The following CEP192 variants were observed in gnomAD, a reference collection of about 807,000 sequenced individuals.
The protein encoded by CEP192 is centrosomal protein of 192 kDa.
A neutral mutation model predicts 271.8 loss-of-function variants in CEP192; 151 were observed. The observed-to-expected ratio is 0.56, with a 90% CI of 0.49 to 0.64. The LOEUF is 0.64. Ranked by LOEUF, CEP192 falls within the 30% of genes least tolerant of loss-of-function variation. The pLI, the probability that CEP192 is intolerant of heterozygous loss-of-function variation, is 0.00. For synonymous variants in CEP192, 995 were observed against 1,076.5 expected (o/e 0.92, Z 1.48); for missense variants, 2,910 against 3,020.5 (o/e 0.96, Z 0.86).
At position 13,100,392 on chromosome 18, in the gene CEP192, C is replaced by T. The variant is rs1372806256; in HGVS notation, c.6751C>T (p.Pro2251Ser). The T allele has an allele frequency of 1.9e-6, 3 of 1,613,964 alleles. No individual in the cohort carries two copies. The highest frequency in any genetic ancestry group is 3.3e-5 in the Admixed American group (2 of 60,030). The change falls in exon 38 of 45, where the codon CCA becomes TCA. Residue 2251 changes from proline (P) to serine (S), a missense_variant. By Grantham distance (74) the Pro-to-Ser change is moderately conservative. Transcript: ENST00000506447. ...LTSKPFGILS[P>S]VSEPSVSHLV... ...CTCCAAACCATTTGGAATTCTTTCCCCAGTATCTGAGCCTTCAGTTAGTCA... is the reference window on the plus strand; with the variant it reads ...CTCCAAACCATTTGGAATTCTTTCCTCAGTATCTGAGCCTTCAGTTAGTCA...
intron 44 of CEP192, among the ~76,000 whole-genome samples, chr18:13,119,040 G>C (rs1276429334): frequency 6.6e-6 from 1 of 152,158 alleles, no homozygotes. Context: ...TCCAGTTATT[G>C]TAGGCTGCCC....
chr18:12,992,795 G>T (rs1332037461), intron 1 of CEP192, among the ~76,000 whole-genome samples: 1 of 152,202 alleles, frequency 6.6e-6, no homozygotes, highest in Non-Finnish European at 1.5e-5. Flanking sequence ...GACAGGGATT[G>T]TCAGCTCCCT....
chr18:13,043,335 A>T (rs1278639552), intron 15 of CEP192, among the ~76,000 whole-genome samples: 6 of 151,982 alleles, frequency 3.9e-5, no homozygotes, highest in Non-Finnish European at 7.4e-5. Flanking sequence ...TTGCCTTTTC[A>T]CTTTTTTAAT....
At chr18:13,099,846 A>G (rs1050142061) in intron 37 of CEP192, among the ~76,000 whole-genome samples, 1 of 152,212 alleles carries the variant, frequency 6.6e-6, no homozygotes, top group Non-Finnish European at 1.5e-5. Flanking sequence ...GAGATGATCT[A>G]AAGTGTATGG....
At chr18:13,058,734 GC>G (rs2037248483) in intron 20 of CEP192, 2 of 214,836 alleles carry the variant, frequency 9.3e-6, no homozygotes, top group Non-Finnish European at 1.9e-5. Context: ...CTTCCCCCCA[GC>G]CCCCACCCAC....
chr18:13,073,804 C>T (rs1298801198), intron 30 of CEP192, among the ~76,000 whole-genome samples: 2 of 152,190 alleles, frequency 1.3e-5, no homozygotes, highest in Admixed American at 6.5e-5. Flanking sequence ...ATCACTTCCC[C>T]AAAGGCCCCA....
At chr18:13,068,503 AT>A in intron 24 of CEP192, 81 bp downstream of exon 24, 3 of 1,161,324 alleles carry the variant, frequency 2.6e-6, no homozygotes, top group Non-Finnish European at 3.8e-6. Context: ...TCCTTTGTCA[AT>A]AAATGTCAGT....
intron 30 of CEP192, among the ~76,000 whole-genome samples, chr18:13,076,548 A>G (rs1340230206): frequency 6.6e-6 from 1 of 152,122 alleles, no homozygotes; most frequent in African/African-American, 2.4e-5. Context: ...GTTACTCTGT[A>G]GTAATTTGTG....
At chr18:13,024,232 A>G (rs2035159520) in intron 9 of CEP192, 1 of 440,960 alleles carries the variant, frequency 2.3e-6, no homozygotes, top group Non-Finnish European at 4.5e-6. Flanking sequence ...CCTCTATATC[A>G]TTATGTAGTA....
At chr18:13,046,147 G>C (rs374507692) in intron 15 of CEP192, among the ~76,000 whole-genome samples, 1 of 152,142 alleles carries the variant, frequency 6.6e-6, no homozygotes, top group Non-Finnish European at 1.5e-5. Flanking sequence ...CAGGAAGCTT[G>C]CAATCATGGC....
intron 10 of CEP192, 82 bp downstream of exon 10, chr18:13,030,084 G>A (rs79147242): frequency 0.027 from 29,493 of 1,096,628 alleles, 640 homozygotes; most frequent in African/African-American, 0.096. Flanking sequence ...TGTGAAATGT[G>A]CCAGTCTTTC....
intron 34 of CEP192, among the ~76,000 whole-genome samples, chr18:13,093,860 T>G (rs1417639515): frequency 1.3e-5 from 2 of 152,190 alleles, no homozygotes; most frequent in Non-Finnish European, 2.9e-5. Context: ...AGGACATTAG[T>G]GTGTGTGCTA....
chr18:13,015,998 G>A (rs750630886), intron 6 of CEP192, among the ~76,000 whole-genome samples: 99 of 152,012 alleles, frequency 6.5e-4, no homozygotes, highest in Non-Finnish European at 1.1e-3. Context: ...TGCCCACCTC[G>A]GCCTCCCAAA....
At chr18:13,032,537 G>A (rs529425806) in intron 11 of CEP192, among the ~76,000 whole-genome samples, 155 of 152,248 alleles carry the variant, frequency 1.0e-3, no homozygotes, top group African/African-American at 3.5e-3. Flanking sequence ...TGTGTTGCTG[G>A]TGGGAGTGTA....
chr18:13,057,771 G>A lies in CEP192; in HGVS notation c.4257+38G>A, dbSNP rs761155379. 5.6e-6 allele frequency: 9 copies of A among 1,596,366 alleles called. 1 individual carries two copies. Among genetic ancestry groups the A allele is most frequent in the Middle Eastern group, 2.0e-4 (1 of 5,004 alleles). On this transcript the variant is annotated intron_variant, in intron 20 of 44. Coordinates refer to ENST00000506447, the MANE Select transcript of CEP192 (RefSeq NM_032142.4). Reference sequence around the variant, plus strand: ...GTCTTTCTCATTTAACCTAACAGTTGCATTGTGATTAGGTGCTTGATTTCC... The same window carrying A: ...GTCTTTCTCATTTAACCTAACAGTTACATTGTGATTAGGTGCTTGATTTCC...
intron 11 of CEP192, 47 bp from the exon 12 acceptor site, chr18:13,037,190 T>A: frequency 1.3e-6 from 1 of 772,910 alleles, no homozygotes; most frequent in Non-Finnish European, 2.2e-6. Context: ...TGCTAGTGTT[T>A]GTTTAGGCAT....
chr18:13,087,714 G>A, intron 32 of CEP192, 68 bp downstream of exon 32: 1 of 719,100 alleles, frequency 1.4e-6, no homozygotes, highest in East Asian at 2.9e-5. Context: ...CTGTGGCTTG[G>A]GATTTGGAAT....
chr18:13,114,382 C>A (rs2040341932), intron 42 of CEP192, 131 bp downstream of exon 42: 3 of 934,390 alleles, frequency 3.2e-6, no homozygotes, highest in South Asian at 3.4e-5. Flanking sequence ...ACAGAATATT[C>A]CTCTCGCCCA....
intron 1 of CEP192, among the ~76,000 whole-genome samples, chr18:12,997,155 G>T (rs773857015): frequency 6.6e-6 from 1 of 152,122 alleles, no homozygotes; most frequent in Non-Finnish European, 1.5e-5. Flanking sequence ...GGTTGGGATC[G>T]AGTGCAAAGT....
Sources: gnomAD v4.1 joint callset for allele counts (sites outside exome capture counted in the v4.1 genomes callset) on GRCh38, gnomAD v4.1.1 for gene constraint, MANE v1.5 for transcripts, NCBI Gene and HGNC (gene_info 2026-07-23, HGNC 2026-07-21) for gene names.